Variants in GALNTL6 observed in about 807,000 individuals in gnomAD.
GALNTL6 encodes polypeptide N-acetylgalactosaminyltransferase-like 6.
A neutral mutation model predicts 73.7 loss-of-function variants in GALNTL6; 46 were observed. The ratio of observed to expected loss-of-function variants is 0.62; its 90% confidence interval spans 0.49 to 0.80. The LOEUF is 0.80. Among genes scored for constraint, GALNTL6 ranks in the 30% least tolerant of loss-of-function variants. The pLI, the probability that GALNTL6 is intolerant of heterozygous loss-of-function variation, is 0.00. For synonymous variants in GALNTL6, 259 were observed against 263.7 expected, an observed-to-expected ratio of 0.98 and a Z score of 0.17; for missense variants, 604 against 755.0, an observed-to-expected ratio of 0.80 and a Z score of 2.34.
At chr4:171,974,138 T>G (rs897875026) in intron 2 of GALNTL6, among the ~76,000 whole-genome samples, 14 of 152,136 alleles carry the variant, frequency 9.2e-5, no homozygotes, top group African/African-American at 3.4e-4. Context: ...TAGCTGGGAC[T>G]ACAGGCAAGT....
At chr4:172,731,542 A>G (rs755938789) in intron 5 of GALNTL6, among the ~76,000 whole-genome samples, 2 of 151,802 alleles carry the variant, frequency 1.3e-5, no homozygotes, top group Non-Finnish European at 2.9e-5. Context: ...TCTTAATTTC[A>G]TTTATTTCTG....
At chr4:172,067,134 G>C (rs965628287) in intron 2 of GALNTL6, among the ~76,000 whole-genome samples, 24 of 151,472 alleles carry the variant, frequency 1.6e-4, no homozygotes, top group Middle Eastern at 3.4e-3. Context: ...TCTCCCACTT[G>C]ATCAACTAGA....
At chr4:172,024,740 G>C (rs1236953917) in intron 2 of GALNTL6, among the ~76,000 whole-genome samples, 1 of 151,924 alleles carries the variant, frequency 6.6e-6, no homozygotes, top group Non-Finnish European at 1.5e-5. Context: ...AAAATAAATA[G>C]AGTGGAACAA....
intron 5 of GALNTL6, among the ~76,000 whole-genome samples, chr4:172,671,256 A>G (rs1022174577): frequency 6.6e-6 from 1 of 152,158 alleles, no homozygotes; most frequent in African/African-American, 2.4e-5. Context: ...GGCCATTTTT[A>G]TGATATTGAT....
intron 2 of GALNTL6, among the ~76,000 whole-genome samples, chr4:172,117,709 A>C (rs1733025241): frequency 6.6e-6 from 1 of 152,154 alleles, no homozygotes; most frequent in Admixed American, 6.6e-5. Context: ...GTGCACTAGA[A>C]TGGAACTGAG....
chr4:172,778,898 C>T (rs11942645), intron 5 of GALNTL6, among the ~76,000 whole-genome samples: 79,506 of 151,846 alleles, frequency 0.52, 21,583 homozygotes, highest in East Asian at 0.78. Context: ...CGTGCCTTAG[C>T]ACTTCTTGCT....
intron 2 of GALNTL6, among the ~76,000 whole-genome samples, chr4:172,064,867 A>G (rs1250309033): frequency 1.3e-5 from 2 of 152,220 alleles, no homozygotes; most frequent in Non-Finnish European, 2.9e-5. Context: ...TGTGAAAAAA[A>G]CAATAATCAC....
intron 5 of GALNTL6, among the ~76,000 whole-genome samples, chr4:172,607,734 C>T (rs1034597367): frequency 6.6e-6 from 1 of 152,146 alleles, no homozygotes; most frequent in African/African-American, 2.4e-5. Context: ...TGTTCCCTTT[C>T]CTTTATAGCC....
At chr4:172,689,881 T>A (rs1484795160) in intron 5 of GALNTL6, among the ~76,000 whole-genome samples, 1 of 152,142 alleles carries the variant, frequency 6.6e-6, no homozygotes, top group African/African-American at 2.4e-5. Flanking sequence ...AGACAACATG[T>A]CTTTCAGCTA....
chr4:171,933,133 T>C (rs1377748414), intron 2 of GALNTL6, among the ~76,000 whole-genome samples: 2 of 152,196 alleles, frequency 1.3e-5, no homozygotes, highest in African/African-American at 4.8e-5. Context: ...GAAAATTGCG[T>C]ATGTACAGTA....
At chr4:172,295,072 G>A (rs76106050) in intron 3 of GALNTL6, among the ~76,000 whole-genome samples, 3,780 of 152,040 alleles carry the variant, frequency 0.025, 64 homozygotes, top group Non-Finnish European at 0.041. Flanking sequence ...TAGTGCTTTC[G>A]TTTAATGTAA....
chr4:172,232,761 C>A (rs1300742292), intron 3 of GALNTL6, among the ~76,000 whole-genome samples: 1 of 152,094 alleles, frequency 6.6e-6, no homozygotes, highest in Non-Finnish European at 1.5e-5. Flanking sequence ...TTTATTAATG[C>A]AAGCAAATTA....
At chr4:173,011,096 C>CT (rs1554011018) in intron 11 of GALNTL6, among the ~76,000 whole-genome samples, 2 of 152,138 alleles carry the variant, frequency 1.3e-5, no homozygotes, top group Non-Finnish European at 2.9e-5. Flanking sequence ...ATCTGCATTT[C>CT]TTTGATGATC....
chr4:172,892,818 C>T (rs1054691984), intron 8 of GALNTL6, among the ~76,000 whole-genome samples: 3 of 152,088 alleles, frequency 2.0e-5, no homozygotes, highest in Admixed American at 1.3e-4. Flanking sequence ...TAGTCTCAAG[C>T]GAAACGCTGG....
chr4:172,745,900 C>T (rs1737084304), intron 5 of GALNTL6, among the ~76,000 whole-genome samples: 1 of 152,034 alleles, frequency 6.6e-6, no homozygotes, highest in Admixed American at 6.6e-5. Context: ...TCAATGTGAG[C>T]TATGGAGTGT....
chr4:171,988,861 CTT>C (rs1274863571), intron 2 of GALNTL6, among the ~76,000 whole-genome samples: 4 of 151,824 alleles, frequency 2.6e-5, no homozygotes, highest in Admixed American at 1.3e-4. Context: ...GTAGAGGTGT[CTT>C]ATACTTGTGG....
chr4:172,455,749 G>A (rs77639406), intron 5 of GALNTL6, among the ~76,000 whole-genome samples: 1 of 152,184 alleles, frequency 6.6e-6, no homozygotes, highest in African/African-American at 2.4e-5. Context: ...GCGCCTAGGG[G>A]AGGGGGCAGC....
At chr4:172,663,533 A>T (rs999123615) in intron 5 of GALNTL6, among the ~76,000 whole-genome samples, 1 of 152,174 alleles carries the variant, frequency 6.6e-6, no homozygotes, top group Non-Finnish European at 1.5e-5. Flanking sequence ...TGAGTTCAAG[A>T]TCTCCTGGTG....
intron 10 of GALNTL6, among the ~76,000 whole-genome samples, chr4:172,992,970 C>A (rs922117078): frequency 6.6e-6 from 1 of 152,102 alleles, no homozygotes; most frequent in Non-Finnish European, 1.5e-5. Flanking sequence ...ACAAGGGCAG[C>A]TTGGAGGTTA....
Sources: allele counts gnomAD v4.1 joint callset (sites outside exome capture counted in the v4.1 genomes callset), GRCh38; gene constraint gnomAD v4.1.1; transcripts MANE v1.5; gene names NCBI Gene and HGNC (gene_info 2026-07-23, HGNC 2026-07-21).